SUGP2: variants seen among roughly 807,000 people sequenced by gnomAD.
SUGP2 encodes the protein SURP and G-patch domain-containing protein 2.
SUGP2 carries 24 observed loss-of-function variants against 90.5 expected under a neutral mutation model. The ratio of observed to expected loss-of-function variants is 0.27; its 90% CI spans 0.19 to 0.37. SUGP2 has a LOEUF of 0.37. SUGP2 is among the 10% of genes least tolerant of loss of function. The pLI, the probability that SUGP2 is intolerant of heterozygous loss-of-function variation, is 1.00. For missense variants in SUGP2, 1,233 were observed against 1,363.3 expected (o/e 0.90, Z 1.51); for synonymous variants, 473 against 513.4 (o/e 0.92, Z 1.06).
At chr19:19,020,592 C>T (rs958837873) in intron 3 of SUGP2, among the ~76,000 whole-genome samples, 7 of 151,502 alleles carry the variant, frequency 4.6e-5, no homozygotes, top group Non-Finnish European at 7.4e-5. Flanking sequence ...TACAGACATG[C>T]GCCACCACGT....
intron 4 of SUGP2, among the ~76,000 whole-genome samples, chr19:19,017,867 A>C (rs1387574954): frequency 6.6e-6 from 1 of 152,170 alleles, no homozygotes; most frequent in Non-Finnish European, 1.5e-5. Flanking sequence ...TTTCACGCCC[A>C]GATATCATAA....
At chr19:19,006,494 G>C (rs2145422596) in intron 6 of SUGP2, among the ~76,000 whole-genome samples, 1 of 152,106 alleles carries the variant, frequency 6.6e-6, no homozygotes, top group East Asian at 1.9e-4. Flanking sequence ...GTCACAGATG[G>C]GGAGGAATCA....
chr19:19,002,138 G>A (rs555928742), intron 7 of SUGP2, among the ~76,000 whole-genome samples: 2 of 152,274 alleles, frequency 1.3e-5, no homozygotes, highest in African/African-American at 4.8e-5. Flanking sequence ...CCATCACTTT[G>A]GGAGGCCGAG....
intron 8 of SUGP2, among the ~76,000 whole-genome samples, chr19:18,997,782 C>CAAAAAAAAAAAAA (rs35875282): frequency 4.5e-5 from 4 of 88,238 alleles, no homozygotes; most frequent in Non-Finnish European, 6.7e-5. Context: ...GACTCCGTCT[C>CAAAAAAAAAAAAA]AAAAAAAAAA....
Position 19,020,170 on chromosome 19 carries a change from C to T in SUGP2, c.1730-941G>A, listed in dbSNP as rs566829941. Among the ~76,000 whole-genome samples, 1,337 of 151,974 alleles carry T rather than the reference C, an allele frequency of 8.8e-3. 11 individuals carry two copies. Among genetic ancestry groups the T allele is most frequent in the Non-Finnish European group, 0.013 (898 of 67,962 alleles). ...TTTGGCCAGGCACAGTGGCTCACGCCTGTAATCCCAGCACTTTGGAAGGCC... is the reference window on the plus strand; with the variant it reads ...TTTGGCCAGGCACAGTGGCTCACGCTTGTAATCCCAGCACTTTGGAAGGCC... On this transcript the variant is annotated intron_variant, in intron 3 of 10. Coordinates refer to ENST00000452918, the MANE Select transcript of SUGP2 (RefSeq NM_001017392.5).
At chr19:18,999,326 C>A (rs1012690802) in intron 8 of SUGP2, among the ~76,000 whole-genome samples, 2 of 152,178 alleles carry the variant, frequency 1.3e-5, no homozygotes, top group Non-Finnish European at 2.9e-5. Flanking sequence ...GCAGCATGTG[C>A]AGGACACCCA....
Position 19,033,112 on chromosome 19 carries a change from G to A in SUGP2, c.-12+325C>T, listed in dbSNP as rs544324733. On this transcript the variant is annotated intron_variant, in intron 1 of 10. Transcript: ENST00000452918. ...CTGAACCGGTTCTAAAGAGGGCAAG[G>A]GCCCGATGCAGCGCTGGGCGCCGTT... The A allele has an allele frequency of 1.2e-4, 19 of 159,784 alleles. 1 individual carries two copies. The South Asian group carries it at 2.8e-3, about 24-fold the overall frequency. The allele number at this position is 159,784 out of a possible 1,614,324, so 9.9% of individuals were successfully genotyped here.
At chr19:19,001,851 C>A (rs1300314570) in intron 7 of SUGP2, among the ~76,000 whole-genome samples, 177 bp from the exon 8 acceptor site, 1 of 152,134 alleles carries the variant, frequency 6.6e-6, no homozygotes, top group East Asian at 1.9e-4. Context: ...TGTATGACCC[C>A]TGGAGTGAGC....
In SUGP2 at chr19:18,995,064, T is replaced by C. The variant is rs756829090; in HGVS notation, c.3128+80A>G. On this transcript the variant is annotated intron_variant, in intron 9 of 10. Transcript: ENST00000452918. Reference sequence around the variant, plus strand: ...ACTGCCAGCTGTAAGCCATCTTGGCTGTGAAGGAGCCAAGCGGCAGGCTGC... The same window carrying C: ...ACTGCCAGCTGTAAGCCATCTTGGCCGTGAAGGAGCCAAGCGGCAGGCTGC... 520 of 1,545,554 alleles carry C rather than the reference T, an allele frequency of 3.4e-4. 4 individuals are homozygous for C. Among genetic ancestry groups the C allele is most frequent in the Non-Finnish European group, 9.6e-6 (11 of 1,140,916 alleles).
At chr19:19,016,981 C>T (rs2058522596) in intron 4 of SUGP2, among the ~76,000 whole-genome samples, 1 of 152,200 alleles carries the variant, frequency 6.6e-6, no homozygotes, top group Non-Finnish European at 1.5e-5. Flanking sequence ...CAACCTTCCC[C>T]TTGGTAAATC....
chr19:18,994,281 A>C, intron 10 of SUGP2, 85 bp downstream of exon 10: 2 of 1,531,810 alleles, frequency 1.3e-6, no homozygotes, highest in Non-Finnish European at 8.9e-7. Context: ...GGAGCAGGGA[A>C]CATCAACTTT....
chr19:19,031,964 T>A (rs2059177126), intron 1 of SUGP2, among the ~76,000 whole-genome samples: 1 of 151,460 alleles, frequency 6.6e-6, no homozygotes, highest in Non-Finnish European at 1.5e-5. Context: ...TTCACAGGTG[T>A]GTGCTGGCTG....
At chr19:19,017,986 G>A (rs940288973) in intron 4 of SUGP2, among the ~76,000 whole-genome samples, 3 of 148,486 alleles carry the variant, frequency 2.0e-5, no homozygotes, top group Non-Finnish European at 4.4e-5. Flanking sequence ...GCTTACGCCT[G>A]TAATCCCAGC....
At chr19:19,020,212 G>A (rs1354987752) in intron 3 of SUGP2, among the ~76,000 whole-genome samples, 1 of 151,680 alleles carries the variant, frequency 6.6e-6, no homozygotes, top group Admixed American at 6.6e-5. Context: ...GGCGGATCAC[G>A]AGGTCAGGAG....
chr19:19,010,106 G>T lies in SUGP2; in HGVS notation c.2087C>A (p.Ala696Glu). ...TAGGAGGGTCTGGGTCCCGGTGGTC[G>T]CTCTCCTCGCCTTCCAGCCCCGGAG... Reference protein sequence around the residue: ...QGLRGWKARRATTGTQTLLSS... With the variant: ...QGLRGWKARRETTGTQTLLSS... Residue 696 changes from alanine to glutamate, a missense_variant, in exon 5 of 11, where the codon GCG becomes GAG. Physicochemically the swap from Ala to Glu is moderately radical, Grantham distance 107. Coordinates refer to ENST00000452918, the MANE Select transcript of SUGP2 (RefSeq NM_001017392.5). 6.2e-7 allele frequency: 1 copy of T among 1,611,848 alleles called. No individual in the cohort carries two copies.
intron 6 of SUGP2, among the ~76,000 whole-genome samples, chr19:19,007,863 G>A (rs531359258): frequency 4.0e-5 from 6 of 149,816 alleles, no homozygotes; most frequent in East Asian, 2.0e-4. Flanking sequence ...GGGTTTAAGC[G>A]ATTCTCATGC....
At chr19:18,996,227 T>TC (rs1397003285) in intron 8 of SUGP2, among the ~76,000 whole-genome samples, 1 of 151,998 alleles carries the variant, frequency 6.6e-6, no homozygotes, top group African/African-American at 2.4e-5. Context: ...CAAAACCCCG[T>TC]CTCTACTAAA....
intron 3 of SUGP2, among the ~76,000 whole-genome samples, chr19:19,023,893 C>CA (rs147771673): frequency 0.023 from 3,453 of 150,168 alleles, 131 homozygotes; most frequent in African/African-American, 0.08. Flanking sequence ...GACCCTGTCT[C>CA]AAAAAAACAA....
chr19:18,995,565 C>T (rs947705775), intron 8 of SUGP2, among the ~76,000 whole-genome samples: 2 of 152,178 alleles, frequency 1.3e-5, no homozygotes, highest in South Asian at 2.1e-4. Flanking sequence ...TGGCCAGTCC[C>T]GGGGTCAAGG....
Sources: allele counts gnomAD v4.1 joint callset (sites outside exome capture counted in the v4.1 genomes callset), GRCh38; gene constraint gnomAD v4.1.1; transcripts MANE v1.5; gene names NCBI Gene and HGNC (gene_info 2026-07-23, HGNC 2026-07-21).